The following TASP1 variants were observed in gnomAD, a reference collection of about 807,000 sequenced individuals.
The protein encoded by TASP1 is taspase 1, also known as threonine aspartase 1.
TASP1 carries 16 observed loss-of-function variants against 56.6 expected under a neutral mutation model. The observed-to-expected ratio is 0.28, with a 90% confidence interval of 0.19 to 0.43. The LOEUF is 0.43. Among genes scored for constraint, TASP1 ranks in the 20% least tolerant of loss-of-function variants. The pLI, the probability that TASP1 is intolerant of heterozygous loss-of-function variation, is 1.00. For missense variants in TASP1, 393 were observed against 511.6 expected, an observed-to-expected ratio of 0.77 and a Z score of 2.24; for synonymous variants, 179 against 184.2, an observed-to-expected ratio of 0.97 and a Z score of 0.23.
chr20:13,523,073 G>C (rs978783156), intron 10 of TASP1, among the ~76,000 whole-genome samples: 1 of 152,120 alleles, frequency 6.6e-6, no homozygotes, highest in Non-Finnish European at 1.5e-5. Flanking sequence ...AGTCCTGACT[G>C]AAGTAGAATA....
At chr20:13,477,934 A>C (rs1416688587) in intron 11 of TASP1, among the ~76,000 whole-genome samples, 1 of 152,170 alleles carries the variant, frequency 6.6e-6, no homozygotes, top group African/African-American at 2.4e-5. Flanking sequence ...AAACAAAAAC[A>C]TTTCAATCTC....
chr20:13,483,186 T>C (rs200753129), intron 11 of TASP1, 41 bp downstream of exon 11: 1 of 1,404,828 alleles, frequency 7.1e-7, no homozygotes, highest in East Asian at 2.4e-5. Flanking sequence ...AGTGAAATAA[T>C]CCATATTTAG....
At chr20:13,324,985 G>A in the TASP1 span, among the ~76,000 whole-genome samples, 4 of 152,034 alleles carry the variant, frequency 2.6e-5, no homozygotes, top group Non-Finnish European at 4.4e-5. Context: ...GTTTCTTTTC[G>A]GCTTCTTATC....
At chr20:13,576,848 G>C (rs761782310) in intron 6 of TASP1, among the ~76,000 whole-genome samples, 2 of 152,074 alleles carry the variant, frequency 1.3e-5, no homozygotes, top group Non-Finnish European at 2.9e-5. Flanking sequence ...TAATAAAGAC[G>C]CAGCCATCAC....
At chr20:13,303,247 G>T in the TASP1 span, among the ~76,000 whole-genome samples, 1 of 152,156 alleles carries the variant, frequency 6.6e-6, no homozygotes, top group African/African-American at 2.4e-5. Flanking sequence ...TCATCCCAAG[G>T]TCTGCTGGAT....
intron 7 of TASP1, among the ~76,000 whole-genome samples, chr20:13,562,800 C>G (rs1173441034): frequency 6.6e-6 from 1 of 150,672 alleles, no homozygotes; most frequent in Non-Finnish European, 1.5e-5. Context: ...TCATCTTAGT[C>G]TGGGCAGTCA....
Position 13,435,383 on chromosome 20 carries a change from G to C in TASP1, c.986-229C>G, listed in dbSNP as rs189435056. ...ACATGCTGTCAAGAAGATGTAAGTG[G>C]GGGAGGGAATGTGCATTACTGTATT... On this transcript the variant is annotated intron_variant, in intron 11 of 13. Transcript: ENST00000337743. 4.1e-3 allele frequency among the ~76,000 whole-genome samples: 629 copies of C among 152,194 alleles called. 1 individual carries two copies. Among genetic ancestry groups the C allele is most frequent in the African/African-American group, 0.014 (582 of 41,522 alleles).
intron 8 of TASP1, among the ~76,000 whole-genome samples, chr20:13,550,529 C>T (rs534157058): frequency 2.0e-5 from 3 of 151,914 alleles, no homozygotes; most frequent in Admixed American, 1.3e-4. Flanking sequence ...AATGAGTTTT[C>T]GGTTTTATTT....
At chr20:13,498,331 TTGTG>T (rs60099056) in intron 10 of TASP1, among the ~76,000 whole-genome samples, 7,751 of 134,984 alleles carry the variant, frequency 0.057, 266 homozygotes, top group African/African-American at 0.096. Context: ...TTCTTTTCTT[TTGTG>T]TGTGTGTGTG....
intron 10 of TASP1, among the ~76,000 whole-genome samples, chr20:13,498,328 C>CG (rs2043805933): frequency 1.7e-4 from 17 of 99,832 alleles, no homozygotes; most frequent in South Asian, 3.8e-4. Context: ...TTTTTCTTTT[C>CG]TTTTGTGTGT....
At chr20:13,434,566 G>T (rs550413627) in intron 12 of TASP1, among the ~76,000 whole-genome samples, 2 of 152,256 alleles carry the variant, frequency 1.3e-5, no homozygotes, top group South Asian at 4.1e-4. Context: ...TTACAGATGA[G>T]GAAGTAGCAT....
the TASP1 span, among the ~76,000 whole-genome samples, chr20:13,284,816 T>C: frequency 6.6e-6 from 1 of 152,098 alleles, no homozygotes; most frequent in African/African-American, 2.4e-5. Context: ...GGGACCCATA[T>C]GAAAAAAATG....
chr20:13,378,171 G>A, the TASP1 span, among the ~76,000 whole-genome samples: 2 of 152,264 alleles, frequency 1.3e-5, no homozygotes, highest in South Asian at 4.2e-4. Context: ...ACATTAGGGT[G>A]TCGATTTTAG....
At chr20:13,288,595 C>T in the TASP1 span, 340 of 1,613,910 alleles carry the variant, frequency 2.1e-4, 2 homozygotes, top group East Asian at 5.6e-3. Context: ...GCGTCACCTG[C>T]GGGAACGGCA....
chr20:13,385,456 C>T (rs114437696), downstream of TASP1, among the ~76,000 whole-genome samples: 1,590 of 152,328 alleles, frequency 0.01, 27 homozygotes, highest in African/African-American at 0.036. Context: ...TCCGATGTTA[C>T]GGATGAAAAT....
the TASP1 span, among the ~76,000 whole-genome samples, chr20:13,145,064 C>T: frequency 6.6e-6 from 1 of 151,962 alleles, no homozygotes; most frequent in South Asian, 2.1e-4. Flanking sequence ...TGTGAGCCAC[C>T]GCACCTGGCC....
the TASP1 span, among the ~76,000 whole-genome samples, chr20:13,361,653 GC>G: frequency 0.28 from 43,173 of 151,582 alleles, 7,173 homozygotes; most frequent in African/African-American, 0.46. Flanking sequence ...CTTGGACTGT[GC>G]CCCCCAAAAA....
At chr20:13,450,475 T>C (rs2043577441) in intron 11 of TASP1, among the ~76,000 whole-genome samples, 2 of 152,134 alleles carry the variant, frequency 1.3e-5, no homozygotes, top group Admixed American at 1.3e-4. Context: ...CTTTATCAAA[T>C]AAGTTATGCA....
At chr20:13,186,001 A>G in the TASP1 span, among the ~76,000 whole-genome samples, 1 of 152,190 alleles carries the variant, frequency 6.6e-6, no homozygotes, top group Non-Finnish European at 1.5e-5. Context: ...CCAGGAAGTC[A>G]CAGTTAAGAT....
Sources: gnomAD v4.1 joint callset for allele counts (sites outside exome capture counted in the v4.1 genomes callset) on GRCh38, gnomAD v4.1.1 for gene constraint, MANE v1.5 for transcripts, NCBI Gene and HGNC (gene_info 2026-07-23, HGNC 2026-07-21) for gene names.